The following ZNF544 variants were observed in gnomAD, a reference collection of about 807,000 sequenced individuals.
ZNF544 encodes zinc finger protein 544, also known as zinc finger protein AF020591.
Under a neutral mutation model 13.5 loss-of-function variants are expected in ZNF544, and 10 were observed. The ratio of observed to expected loss-of-function variants is 0.74; its 90% CI spans 0.46 to 1.25. The LOEUF (loss-of-function observed/expected upper bound fraction) is 1.25. ZNF544 is among the 50% of genes most tolerant of loss of function. ZNF544 has a pLI of 0.00. For synonymous variants in ZNF544, 323 were observed against 300.5 expected (o/e 1.07, Z -0.77); for missense variants, 896 against 845.6 (o/e 1.06, Z -0.74).
intron 6 of ZNF544, among the ~76,000 whole-genome samples, chr19:58,255,558 G>A (rs377136624): frequency 3.3e-5 from 5 of 152,344 alleles, no homozygotes; most frequent in African/African-American, 9.6e-5. Context: ...GATCCCCTCA[G>A]TGAAGTCTGA....
intron 6 of ZNF544, among the ~76,000 whole-genome samples, chr19:58,256,138 G>A (rs945066833): frequency 2.6e-5 from 4 of 152,204 alleles, no homozygotes; most frequent in Non-Finnish European, 4.4e-5. Context: ...AAGAGAGAGA[G>A]AAAAGGATTC....
At chr19:58,241,562 T>G (rs191153110) in intron 3 of ZNF544, among the ~76,000 whole-genome samples, 46 of 151,522 alleles carry the variant, frequency 3.0e-4, no homozygotes, top group Middle Eastern at 3.4e-3. Context: ...AGTAGTGCGA[T>G]CTCAGCTCAC....
chr19:58,277,195 G>T, exon 7 of ZNF544: 1 of 1,231,416 alleles, frequency 8.1e-7, no homozygotes, highest in Non-Finnish European at 1.0e-6. Flanking sequence ...ACGAGGCCCA[G>T]CAAAAAGCAG....
Position 58,261,683 on chromosome 19 carries a change from T to C in ZNF544, c.1077T>C (p.Cys359=). ...TTEKPSVCNQ[C]GKSFSCCKLI... is the part of the protein sequence containing the mutation. ...AGAAGCCATCTGTGTGTAATCAGTG[T>C]GGAAAATCTTTCAGCTGTTGTAAGC... is the stretch of plus-strand genomic sequence containing the variant. The change falls in exon 7 of 7, where the codon TGT becomes TGC. Residue 359 remains cysteine (C), a synonymous_variant. Transcript: ENST00000687789. 1 of 1,614,216 alleles carries C rather than the reference T, an allele frequency of 6.2e-7. No homozygotes were observed. The highest frequency in any genetic ancestry group is 8.5e-7 in the Non-Finnish European group (1 of 1,180,034).
At chr19:58,238,863 G>A (rs2042975036) in intron 3 of ZNF544, among the ~76,000 whole-genome samples, 1 of 147,080 alleles carries the variant, frequency 6.8e-6, no homozygotes. Context: ...ACTAAGTCAC[G>A]GTAAAAAAAA....
intron 6 of ZNF544, chr19:58,259,130 T>C (rs1414977214): frequency 1.3e-5 from 2 of 152,254 alleles, no homozygotes; most frequent in Non-Finnish European, 1.5e-5. Context: ...TCTAAGAGGC[T>C]AAGGACCTGT....
chr19:58,253,211 C>T (rs540634848), intron 6 of ZNF544, among the ~76,000 whole-genome samples: 4 of 152,208 alleles, frequency 2.6e-5, no homozygotes. Context: ...TTACCTAAAA[C>T]ATTTATCCCA....
rs1203918679 is a variant in ZNF544 at position 58,244,074 on chromosome 19, G to T, written c.33+18G>T. 6.2e-7 allele frequency: 1 copy of T among 1,601,752 alleles called. No homozygotes were observed. Among genetic ancestry groups the T allele is most frequent in the Non-Finnish European group, 8.5e-7 (1 of 1,172,876 alleles). On this transcript the variant is annotated intron_variant, in intron 4 of 6. Transcript: ENST00000687789. ...CACCCCAGGTGAGTGGGGGGTCTTTGCTCTCAGTGCCTTGGTCTCCATAGA... is the reference window on the plus strand; with the variant it reads ...CACCCCAGGTGAGTGGGGGGTCTTTTCTCTCAGTGCCTTGGTCTCCATAGA...
chr19:58,232,923 G>A (rs1781038748), intron 3 of ZNF544, among the ~76,000 whole-genome samples: 1 of 146,292 alleles, frequency 6.8e-6, no homozygotes, highest in South Asian at 2.2e-4. Context: ...CTCCAGCCTG[G>A]GCGACAGAGA....
intron 3 of ZNF544, chr19:58,231,840 G>C (rs2041288842): frequency 1.3e-5 from 2 of 151,952 alleles, no homozygotes; most frequent in Non-Finnish European, 2.9e-5. Context: ...TGTGTTTTTT[G>C]TTTTGTTTTG....
chr19:58,234,664 C>G (rs923589456), intron 3 of ZNF544, among the ~76,000 whole-genome samples: 1 of 152,226 alleles, frequency 6.6e-6, no homozygotes, highest in African/African-American at 2.4e-5. Flanking sequence ...GAATATTTAA[C>G]CTAAACATAC....
chr19:58,239,898 CAA>C (rs58006684), intron 3 of ZNF544, among the ~76,000 whole-genome samples: 1,709 of 127,228 alleles, frequency 0.013, 26 homozygotes, highest in African/African-American at 0.044. Flanking sequence ...GACTCCATCT[CAA>C]AAAAAAAAAA....
At chr19:58,245,299 T>G (rs1323913555) in intron 4 of ZNF544, among the ~76,000 whole-genome samples, 1 of 136,472 alleles carries the variant, frequency 7.3e-6, no homozygotes, top group Admixed American at 7.4e-5. Flanking sequence ...GTTTGTGGGG[T>G]TTTTTTTTTT....
At position 58,246,806 on chromosome 19, in the gene ZNF544, C is replaced by G. The variant is rs370252064; in HGVS notation, c.244+12C>G. The G allele has an allele frequency of 3.5e-5, 56 of 1,612,730 alleles. No homozygotes were observed. The African/African-American group carries it at 6.8e-4, about 20-fold the overall frequency. ...GGAGGCCCCCCGAGGTAAGAGCAGA[C>G]CTTGTGGTGAGCAGCTCAACGTTTA... On this transcript the variant is annotated intron_variant, in intron 6 of 6. Transcript: ENST00000687789.
intron 3 of ZNF544, among the ~76,000 whole-genome samples, chr19:58,236,774 C>A (rs139305000): frequency 0.026 from 3,839 of 149,600 alleles, 168 homozygotes; most frequent in African/African-American, 0.089. Context: ...CAGAGTCTCT[C>A]TCCATTGCCC....
chr19:58,248,279 T>C (rs958544236), intron 6 of ZNF544, among the ~76,000 whole-genome samples: 1 of 147,538 alleles, frequency 6.8e-6, no homozygotes, highest in Non-Finnish European at 1.5e-5. Context: ...TTTTCTTTTT[T>C]TTTTTTTTTT....
exon 6 of ZNF544, chr19:58,276,363 A>G (rs1285896717): frequency 8.1e-7 from 1 of 1,231,652 alleles, no homozygotes; most frequent in African/African-American, 1.6e-5. Context: ...GACTCCCAAT[A>G]GAAGACAGAT....
chr19:58,241,179 A>ATTTTTTT (rs57421577), intron 3 of ZNF544, among the ~76,000 whole-genome samples: 5 of 72,754 alleles, frequency 6.9e-5, no homozygotes, highest in African/African-American at 1.8e-4. Context: ...ATATATATAT[A>ATTTTTTT]TTTTTTTTTT....
rs76079976 is a variant in ZNF544, at chr19:58,260,071, T to C, written c.245-780T>C. Reference sequence around the variant, plus strand: ...CATGATTGTGCTGTTATCCGGTCTGTTCAACAGAGCAAGATCCTGACTGTA... The same window carrying C: ...CATGATTGTGCTGTTATCCGGTCTGCTCAACAGAGCAAGATCCTGACTGTA... On this transcript the variant is annotated intron_variant, in intron 6 of 6. Coordinates refer to ENST00000687789, the MANE Select transcript of ZNF544 (RefSeq NM_014480.4). Among the ~76,000 whole-genome samples the C allele has an allele frequency of 1.8e-3, 279 of 152,282 alleles. 1 individual carries two copies. Among genetic ancestry groups the C allele is most frequent in the Non-Finnish European group, 2.9e-3 (195 of 68,028 alleles).
Sources: allele counts gnomAD v4.1 joint callset (sites outside exome capture counted in the v4.1 genomes callset), GRCh38; gene constraint gnomAD v4.1.1; transcripts MANE v1.5; gene names NCBI Gene and HGNC (gene_info 2026-07-23, HGNC 2026-07-21).